The following ARID2 variants were observed in gnomAD, a reference collection of about 807,000 sequenced individuals.
ARID2 encodes AT-rich interactive domain-containing protein 2.
In ARID2, 32 loss-of-function variants were observed where a neutral mutation model predicts 184.6. The ratio of observed to expected loss-of-function variants is 0.17; its 90% CI spans 0.13 to 0.23. The LOEUF is 0.23. ARID2 is among the 10% of genes least tolerant of loss of function. ARID2 has a pLI of 1.00. For synonymous variants in ARID2, 836 were observed against 772.6 expected (o/e 1.08, Z -1.36); for missense variants, 1,696 against 2,197.6 (o/e 0.77, Z 4.56).
chr12:45,756,718 G>A lies in ARID2; in HGVS notation c.284+25404G>A, dbSNP rs559849953. Among the ~76,000 whole-genome samples the A allele has an allele frequency of 3.9e-5, 6 of 152,362 alleles. No individual in the cohort carries two copies. In the South Asian group the frequency reaches 1.2e-3, roughly 32 times the overall value. On this transcript the variant is annotated intron_variant, in intron 3 of 20. Coordinates refer to ENST00000334344, the MANE Select transcript of ARID2 (RefSeq NM_152641.4). ...ACAGTGGCTCATGCCTGTAATGCCA[G>A]CATTTTGGCAGGCTGAGGCGGGAGG...
At chr12:45,830,976 TGAGCCCAG>T (rs1212822554) in intron 6 of ARID2, among the ~76,000 whole-genome samples, 2 of 151,068 alleles carry the variant, frequency 1.3e-5, no homozygotes, top group Non-Finnish European at 2.9e-5. Context: ...GAGAATCACT[TGAGCCCAG>T]GAGGCAGAGG....
chr12:45,804,505 T>C (rs1044261397), intron 3 of ARID2, among the ~76,000 whole-genome samples: 1 of 151,922 alleles, frequency 6.6e-6, no homozygotes, highest in Non-Finnish European at 1.5e-5. Context: ...TGTGTGTGTG[T>C]GTGTCTGTAT....
Position 45,851,195 on chromosome 12 carries a change from G to C in ARID2, c.3072G>C (p.Gln1024His), listed in dbSNP as rs1013767742. 1.9e-6 allele frequency: 3 copies of C among 1,614,104 alleles called. No homozygotes were observed. Among genetic ancestry groups the C allele is most frequent in the Non-Finnish European group, 1.7e-6 (2 of 1,179,988 alleles). Residue 1024 changes from glutamine (Q) to histidine (H), a missense_variant, in exon 15 of 21, where the codon CAG becomes CAC. By Grantham distance (24) the Gln-to-His change is conservative. This residue lies in a region of ARID2 where 713 missense variants were observed against 824.4 expected (regional missense o/e 0.86). Coordinates refer to ENST00000334344, the MANE Select transcript of ARID2 (RefSeq NM_152641.4). ...AACATTCACCAGCACCCCCACCACA[G>C]CAGGTACAAGTACAAGTTCAGCAGC... Reference protein sequence around the residue: ...QQQHSPAPPPQQVQVQVQQPQ... With the variant: ...QQQHSPAPPPHQVQVQVQQPQ...
chr12:45,805,294 A>G (rs1478760954), intron 3 of ARID2, among the ~76,000 whole-genome samples: 1 of 152,196 alleles, frequency 6.6e-6, no homozygotes, highest in East Asian at 1.9e-4. Context: ...AACAGCTGAT[A>G]ACCTATTTAC....
chr12:45,846,744 C>T (rs182705962), intron 11 of ARID2, 112 bp from the exon 12 acceptor site: 3 of 868,024 alleles, frequency 3.5e-6, no homozygotes, highest in Admixed American at 2.3e-5. Flanking sequence ...TGTTTATACA[C>T]CTTTTAAAAA....
chr12:45,797,663 T>C (rs1212545342), intron 3 of ARID2, among the ~76,000 whole-genome samples: 1 of 152,132 alleles, frequency 6.6e-6, no homozygotes, highest in East Asian at 1.9e-4. Context: ...TTTAAAAATT[T>C]TACATTTAAA....
At chr12:45,837,270 T>C (rs1267235000) in intron 8 of ARID2, 51 bp from the exon 9 acceptor site, 1 of 1,425,108 alleles carries the variant, frequency 7.0e-7, no homozygotes, top group South Asian at 1.3e-5. Context: ...ATTTGAAGTA[T>C]ACAACTCTGG....
intron 3 of ARID2, among the ~76,000 whole-genome samples, chr12:45,737,251 C>T (rs112295837): frequency 0.016 from 2,401 of 152,122 alleles, 51 homozygotes; most frequent in South Asian, 0.068. Flanking sequence ...TCTAAGTCAG[C>T]GTTTACAGGG....
chr12:45,855,524 T>C (rs963708637), intron 15 of ARID2, among the ~76,000 whole-genome samples: 1 of 152,152 alleles, frequency 6.6e-6, no homozygotes, highest in Non-Finnish European at 1.5e-5. Context: ...CAGTTAGTAA[T>C]GGGGAAGGTA....
intron 5 of ARID2, among the ~76,000 whole-genome samples, chr12:45,820,926 A>T (rs1375685828): frequency 6.6e-6 from 1 of 152,204 alleles, no homozygotes; most frequent in Admixed American, 6.5e-5. Context: ...CACAAGCGTG[A>T]TGTAGGCCTC....
chr12:45,779,327 A>G (rs1391145715), intron 3 of ARID2, among the ~76,000 whole-genome samples: 1 of 152,136 alleles, frequency 6.6e-6, no homozygotes, highest in East Asian at 1.9e-4. Flanking sequence ...TAAAATGTCT[A>G]TAAAATAATA....
At chr12:45,801,066 G>T (rs550259139) in intron 3 of ARID2, among the ~76,000 whole-genome samples, 1 of 152,102 alleles carries the variant, frequency 6.6e-6, no homozygotes, top group Admixed American at 6.5e-5. Flanking sequence ...TAATCCCAGC[G>T]CTTTGGGAGG....
chr12:45,838,772 A>T (rs946229733), intron 10 of ARID2, among the ~76,000 whole-genome samples: 16 of 152,028 alleles, frequency 1.1e-4, no homozygotes, highest in Admixed American at 6.6e-4. Flanking sequence ...CTCAAAAAAA[A>T]ATATATAGAT....
rs1177811344 is a variant in ARID2, at chr12:45,836,933, G to C, written c.965G>C (p.Ser322Thr). The change falls in exon 8 of 21, where the codon AGT becomes ACT. Residue 322 changes from serine (S) to threonine (T), a missense_variant. Around this residue, in one of 11 missense-constraint regions of ARID2, gnomAD observed 86 missense variants for 200.8 expected, o/e 0.43. Transcript: ENST00000334344. ...CLRFLLLSAH[S>T]HFISLRQLGL... ...CGTTTCCTATTACTTTCTGCACATA[G>C]TCATTTTATTTCTTTAAGGCAATTA... is the stretch of plus-strand genomic sequence containing the variant. 1 of 1,613,894 alleles carries C rather than the reference G, an allele frequency of 6.2e-7. No homozygotes were observed. Among genetic ancestry groups the C allele is most frequent in the Non-Finnish European group, 8.5e-7 (1 of 1,179,978 alleles).
At chr12:45,896,681 C>T (rs1183981720) in intron 20 of ARID2, among the ~76,000 whole-genome samples, 3 of 152,104 alleles carry the variant, frequency 2.0e-5, no homozygotes, top group Non-Finnish European at 4.4e-5. Flanking sequence ...AGCGTGAAAA[C>T]GGACTAATAC....
intron 3 of ARID2, among the ~76,000 whole-genome samples, chr12:45,797,955 GA>G (rs1027321591): frequency 1.3e-5 from 2 of 151,918 alleles, no homozygotes; most frequent in Admixed American, 6.6e-5. Flanking sequence ...TAAAGGATGG[GA>G]AAGTCTCTAC....
At chr12:45,874,651 T>G (rs1943982080) in intron 16 of ARID2, among the ~76,000 whole-genome samples, 1 of 152,224 alleles carries the variant, frequency 6.6e-6, no homozygotes, top group South Asian at 2.1e-4. Flanking sequence ...TCATGAGAAT[T>G]GGAATCAATT....
intron 3 of ARID2, among the ~76,000 whole-genome samples, chr12:45,733,289 T>C (rs1309490583): frequency 6.6e-6 from 1 of 152,200 alleles, no homozygotes; most frequent in Non-Finnish European, 1.5e-5. Flanking sequence ...CCTGGTGGTC[T>C]AATATTGCAC....
In ARID2 at chr12:45,839,411, A is replaced by T; in HGVS notation, c.1413A>T (p.Pro471=). Residue 471 remains proline, a synonymous_variant, in exon 11 of 21, where the codon CCA becomes CCT. Transcript: ENST00000334344. ...CTGCGGTAAAACTCATTGAACACCC[A>T]AGTTCCAGTCATCAAATGTTATCTG... ...ALAAVKLIEH[P]SSSHQMLSEI... is the part of the protein sequence containing the mutation. 6.2e-7 allele frequency: 1 copy of T among 1,614,148 alleles called. No individual in the cohort carries two copies. Among genetic ancestry groups the T allele is most frequent in the Non-Finnish European group, 8.5e-7 (1 of 1,180,004 alleles).
Sources: gnomAD v4.1 joint callset for allele counts (sites outside exome capture counted in the v4.1 genomes callset) on GRCh38, gnomAD v4.1.1 for gene constraint, gnomAD v4.1.1 regional missense constraint, MANE v1.5 for transcripts, NCBI Gene and HGNC (gene_info 2026-07-23, HGNC 2026-07-21) for gene names.